RALYL: variants seen among roughly 807,000 people sequenced by gnomAD.
The protein encoded by RALYL is RALY RNA binding protein like.
In RALYL, 29 loss-of-function variants were observed where a neutral mutation model predicts 35.1. The observed-to-expected ratio is 0.83, with a 90% CI of 0.61 to 1.13. The LOEUF (loss-of-function observed/expected upper bound fraction) is 1.13, where lower values mean the gene tolerates loss of function less well. Among genes scored for constraint, RALYL ranks in the 50% most tolerant of loss-of-function variants. RALYL has a pLI of 0.00. For synonymous variants in RALYL, 120 were observed against 127.6 expected, an observed-to-expected ratio of 0.94 and a Z score of 0.40; for missense variants, 359 against 360.4, an observed-to-expected ratio of 1.00 and a Z score of 0.03.
chr8:84,213,364 C>G (rs1819984274), intron 1 of RALYL, among the ~76,000 whole-genome samples: 2 of 152,082 alleles, frequency 1.3e-5, no homozygotes, highest in Admixed American at 1.3e-4. Context: ...CCATTGCACT[C>G]CAGCCTGGGC....
chr8:84,289,290 C>T (rs1187422086), intron 1 of RALYL, among the ~76,000 whole-genome samples: 1 of 151,972 alleles, frequency 6.6e-6, no homozygotes, highest in East Asian at 1.9e-4. Flanking sequence ...AAAATATTTA[C>T]ATAAGGGCAT....
intron 1 of RALYL, among the ~76,000 whole-genome samples, chr8:84,469,640 G>C (rs1472173701): frequency 6.6e-6 from 1 of 152,186 alleles, no homozygotes; most frequent in Non-Finnish European, 1.5e-5. Context: ...AGGAAAGCAG[G>C]CCTCCTTGAG....
intron 1 of RALYL, among the ~76,000 whole-genome samples, chr8:84,412,075 A>G (rs1030196538): frequency 2.0e-5 from 3 of 152,004 alleles, no homozygotes; most frequent in African/African-American, 7.2e-5. Flanking sequence ...CACTGTGTCT[A>G]AAATTCATTA....
intron 1 of RALYL, among the ~76,000 whole-genome samples, chr8:84,411,030 C>G (rs2044046982): frequency 1.3e-5 from 2 of 151,744 alleles, no homozygotes; most frequent in African/African-American, 4.8e-5. Context: ...GGAAATATGA[C>G]AATGCAAACT....
intron 1 of RALYL, among the ~76,000 whole-genome samples, chr8:84,255,160 A>G (rs1283026147): frequency 6.6e-6 from 1 of 152,122 alleles, no homozygotes; most frequent in East Asian, 1.9e-4. Flanking sequence ...AACTTATTTC[A>G]GTAAATATTT....
chr8:84,414,560 T>C (rs1423503028), intron 1 of RALYL, among the ~76,000 whole-genome samples: 1 of 152,186 alleles, frequency 6.6e-6, no homozygotes, highest in Non-Finnish European at 1.5e-5. Flanking sequence ...CTAAGATAAA[T>C]GATTTCGAGC....
chr8:84,382,389 C>T (rs895870370), intron 1 of RALYL, among the ~76,000 whole-genome samples: 1 of 151,726 alleles, frequency 6.6e-6, no homozygotes, highest in Non-Finnish European at 1.5e-5. Context: ...GTAATACATA[C>T]TGATGCATAA....
intron 1 of RALYL, among the ~76,000 whole-genome samples, chr8:84,345,851 A>C (rs1459941593): frequency 6.6e-6 from 1 of 152,082 alleles, no homozygotes; most frequent in Non-Finnish European, 1.5e-5. Flanking sequence ...TATTAATCAA[A>C]TAATTATGAT....
chr8:84,719,514 C>A (rs553889230), intron 2 of RALYL, among the ~76,000 whole-genome samples: 3 of 152,150 alleles, frequency 2.0e-5, no homozygotes, highest in Admixed American at 2.0e-4. Flanking sequence ...TACTTATATG[C>A]TGGGCAATTT....
intron 1 of RALYL, among the ~76,000 whole-genome samples, chr8:84,373,513 A>G (rs1053140037): frequency 6.6e-6 from 1 of 152,020 alleles, no homozygotes; most frequent in Non-Finnish European, 1.5e-5. Context: ...AGCTTTGTTG[A>G]AGAGCAGATA....
intron 2 of RALYL, among the ~76,000 whole-genome samples, chr8:84,542,643 T>C (rs2060096964): frequency 6.6e-6 from 1 of 152,154 alleles, no homozygotes; most frequent in Non-Finnish European, 1.5e-5. Flanking sequence ...CCTTCTGCCA[T>C]GATTGTAAGT....
At chr8:84,487,019 C>T (rs2054708149) in intron 1 of RALYL, among the ~76,000 whole-genome samples, 1 of 151,994 alleles carries the variant, frequency 6.6e-6, no homozygotes, top group Non-Finnish European at 1.5e-5. Flanking sequence ...ACCACAGGCA[C>T]TGGATTTATA....
intron 1 of RALYL, among the ~76,000 whole-genome samples, chr8:84,419,869 A>G (rs1484352957): frequency 6.6e-6 from 1 of 151,738 alleles, no homozygotes; most frequent in Non-Finnish European, 1.5e-5. Flanking sequence ...TACAAAGGAC[A>G]TTAACTCATC....
intron 2 of RALYL, among the ~76,000 whole-genome samples, chr8:84,557,623 C>T (rs1476330642): frequency 1.3e-5 from 2 of 152,106 alleles, no homozygotes; most frequent in Middle Eastern, 3.2e-3. Context: ...TTAATTTAAA[C>T]ATAGCCACCT....
intron 1 of RALYL, among the ~76,000 whole-genome samples, chr8:84,232,576 A>G (rs1034958394): frequency 6.6e-5 from 10 of 152,142 alleles, no homozygotes; most frequent in Non-Finnish European, 1.2e-4. Context: ...AAATGCAAAG[A>G]CAGTGGGCAT....
intron 1 of RALYL, among the ~76,000 whole-genome samples, chr8:84,502,976 T>C (rs1384706218): frequency 6.6e-6 from 1 of 151,958 alleles, no homozygotes; most frequent in Non-Finnish European, 1.5e-5. Context: ...AAGAAGGTTT[T>C]GAAAGGAAAA....
chr8:84,692,188 A>G (rs1054919220), intron 2 of RALYL, among the ~76,000 whole-genome samples: 1 of 151,990 alleles, frequency 6.6e-6, no homozygotes, highest in Admixed American at 6.6e-5. Context: ...AAAAAGATGC[A>G]CATTCTCACC....
At chr8:84,622,286 G>A (rs1821704239) in intron 2 of RALYL, among the ~76,000 whole-genome samples, 1 of 152,158 alleles carries the variant, frequency 6.6e-6, no homozygotes. Context: ...TCAGCATGAA[G>A]GGCTTGTTAA....
Position 84,913,034 on chromosome 8 carries a change from A to G in RALYL, c.859-7860A>G, listed in dbSNP as rs10046772. On this transcript the variant is annotated intron_variant, in intron 8 of 8. Coordinates refer to ENST00000521268, the MANE Select transcript of RALYL (RefSeq NM_173848.7). ...TGGATGGATGGATGGATGGATGGATAGGTAGGTAGATAGATAGATAGATAG... is the reference window on the plus strand; with the variant it reads ...TGGATGGATGGATGGATGGATGGATGGGTAGGTAGATAGATAGATAGATAG... Among the ~76,000 whole-genome samples the G allele has an allele frequency of 5.2e-3, 451 of 86,902 alleles. 4 individuals are homozygous for G. Among genetic ancestry groups the G allele is most frequent in the Admixed American group, 0.022 (165 of 7,338 alleles). The allele number at this position is 86,902 out of a possible 152,430, so 57.0% of individuals were successfully genotyped here.
Sources: gnomAD v4.1 joint callset for allele counts (sites outside exome capture counted in the v4.1 genomes callset) on GRCh38, gnomAD v4.1.1 for gene constraint, MANE v1.5 for transcripts, NCBI Gene and HGNC (gene_info 2026-07-23, HGNC 2026-07-21) for gene names.